The following MND1 variants were observed in gnomAD, a reference collection of about 807,000 sequenced individuals.
MND1 encodes the protein meiotic nuclear divisions 1.
In MND1, 28 loss-of-function variants were observed where a neutral mutation model predicts 35.1. That is an observed-to-expected ratio of 0.80 (90% confidence interval 0.59 to 1.09). MND1 has a LOEUF of 1.09. Among genes scored for constraint, MND1 ranks in the 50% least tolerant of loss-of-function variants. The pLI is 0.00. For missense variants in MND1, 213 were observed against 239.6 expected (o/e 0.89, Z 0.73); for synonymous variants, 69 against 70.5 (o/e 0.98, Z 0.11).
intron 4 of MND1, among the ~76,000 whole-genome samples, chr4:153,373,234 G>A (rs545139325): frequency 2.6e-4 from 40 of 152,132 alleles, no homozygotes; most frequent in African/African-American, 9.6e-4. Context: ...ATCTCAACTA[G>A]TCTCAAAGTT....
intron 6 of MND1, among the ~76,000 whole-genome samples, chr4:153,407,370 G>A (rs763095911): frequency 1.7e-4 from 26 of 152,176 alleles, no homozygotes; most frequent in Non-Finnish European, 2.1e-4. Context: ...GGCTGAGGCA[G>A]GAGAATTGCT....
In MND1 at chr4:153,390,889, A is replaced by ATGTG. The variant is rs58003087; in HGVS notation, c.277-3349_277-3346dup. ...CCGTCTCAAAAAAAAAGGTATATAT[A>ATGTG]TGTGTGTGTGTGTGTGTGTGTGTGT... On this transcript the variant is annotated intron_variant, in intron 4 of 7. Transcript: ENST00000240488. 4.2e-3 allele frequency among the ~76,000 whole-genome samples: 586 copies of ATGTG among 139,846 alleles called. 6 individuals carry two copies. The highest frequency in any genetic ancestry group is 0.014 in the African/African-American group (546 of 38,236). The allele number at this position is 139,846 out of a possible 152,430, so 91.7% of individuals were successfully genotyped here.
intron 6 of MND1, among the ~76,000 whole-genome samples, chr4:153,405,209 G>A (rs1158670531): frequency 6.6e-6 from 1 of 152,084 alleles, no homozygotes; most frequent in Admixed American, 6.6e-5. Context: ...CAAAGTTACA[G>A]ACTCAAATTT....
intron 7 of MND1, among the ~76,000 whole-genome samples, chr4:153,414,384 C>T (rs1036654287): frequency 1.1e-4 from 16 of 151,750 alleles, no homozygotes; most frequent in East Asian, 3.9e-4. Flanking sequence ...CAGGTTCAAA[C>T]GATTCTCCTG....
intron 3 of MND1, among the ~76,000 whole-genome samples, chr4:153,356,982 C>G (rs982673453): frequency 6.6e-6 from 1 of 151,930 alleles, no homozygotes; most frequent in Non-Finnish European, 1.5e-5. Context: ...GCCACCATGC[C>G]CACCTAATTT....
chr4:153,348,343 A>T (rs1227011015), intron 1 of MND1, among the ~76,000 whole-genome samples: 4 of 152,154 alleles, frequency 2.6e-5, no homozygotes, highest in Non-Finnish European at 5.9e-5. Context: ...AGTTCAGTTT[A>T]GACTGACGGA....
At chr4:153,402,622 C>T (rs960483386) in intron 6 of MND1, among the ~76,000 whole-genome samples, 7 of 152,102 alleles carry the variant, frequency 4.6e-5, no homozygotes, top group Non-Finnish European at 8.8e-5. Context: ...ACAAAATGCC[C>T]CTGGAACTCT....
At chr4:153,386,181 T>G (rs1728854203) in intron 4 of MND1, among the ~76,000 whole-genome samples, 1 of 151,890 alleles carries the variant, frequency 6.6e-6, no homozygotes, top group South Asian at 2.1e-4. Flanking sequence ...GTTTTTTGTT[T>G]TTTGTTTTTG....
intron 4 of MND1, among the ~76,000 whole-genome samples, chr4:153,379,619 A>G (rs763255236): frequency 1.3e-5 from 2 of 152,010 alleles, no homozygotes; most frequent in African/African-American, 2.4e-5. Context: ...TGGGAGGCTG[A>G]GATGGGTGGA....
chr4:153,362,826 T>C (rs1472990134), intron 4 of MND1, among the ~76,000 whole-genome samples: 3 of 152,184 alleles, frequency 2.0e-5, no homozygotes, highest in African/African-American at 7.2e-5. Context: ...TAGGCTTGTT[T>C]TTTTTAGTCT....
At chr4:153,402,870 G>C (rs1729380294) in intron 6 of MND1, among the ~76,000 whole-genome samples, 1 of 152,150 alleles carries the variant, frequency 6.6e-6, no homozygotes, top group Non-Finnish European at 1.5e-5. Context: ...AAGCTTAAAA[G>C]GGCCAGATGC....
chr4:153,399,773 G>A (rs1729294114), intron 6 of MND1, among the ~76,000 whole-genome samples: 1 of 151,470 alleles, frequency 6.6e-6, no homozygotes, highest in Non-Finnish European at 1.5e-5. Flanking sequence ...TTATAACTTT[G>A]GTAATTTATT....
chr4:153,398,982 T>G (rs1729273497), intron 6 of MND1, among the ~76,000 whole-genome samples: 1 of 152,228 alleles, frequency 6.6e-6, no homozygotes, highest in East Asian at 1.9e-4. Flanking sequence ...CTCATTCTCT[T>G]GCAAGAGAAC....
At chr4:153,348,520 A>G (rs1773129361) in intron 1 of MND1, among the ~76,000 whole-genome samples, 1 of 152,242 alleles carries the variant, frequency 6.6e-6, no homozygotes, top group African/African-American at 2.4e-5. Flanking sequence ...AGCCAAACCC[A>G]GCAGAAAAAC....
intron 4 of MND1, among the ~76,000 whole-genome samples, chr4:153,359,967 A>T (rs1324533867): frequency 6.6e-6 from 1 of 151,788 alleles, no homozygotes; most frequent in Admixed American, 6.6e-5. Flanking sequence ...TTGTATTTTT[A>T]GTAGAGACGG....
chr4:153,371,225 A>G (rs1773782922), intron 4 of MND1, among the ~76,000 whole-genome samples: 1 of 152,086 alleles, frequency 6.6e-6, no homozygotes. Flanking sequence ...TAGATTTAGA[A>G]TAATTCTTAA....
intron 4 of MND1, among the ~76,000 whole-genome samples, chr4:153,363,849 A>T (rs1485885478): frequency 1.3e-5 from 2 of 152,238 alleles, no homozygotes; most frequent in African/African-American, 4.8e-5. Context: ...AGGATCAGAG[A>T]AATCAGCTAT....
chr4:153,373,032 ATAG>A (rs1445713873), intron 4 of MND1, among the ~76,000 whole-genome samples: 4 of 149,618 alleles, frequency 2.7e-5, no homozygotes, highest in Non-Finnish European at 5.9e-5. Context: ...TTTTTTTTTA[ATAG>A]TAGCATGGCA....
intron 7 of MND1, 68 bp from the exon 8 acceptor site, chr4:153,414,683 A>G: frequency 1.6e-6 from 1 of 624,888 alleles, no homozygotes; most frequent in South Asian, 3.0e-5. Flanking sequence ...AGAACAATGA[A>G]GATAATTATA....
Sources: gnomAD v4.1 joint callset for allele counts (sites outside exome capture counted in the v4.1 genomes callset) on GRCh38, gnomAD v4.1.1 for gene constraint, MANE v1.5 for transcripts, NCBI Gene and HGNC (gene_info 2026-07-23, HGNC 2026-07-21) for gene names.